Variants in TMPRSS11D observed in about 807,000 individuals in gnomAD.
TMPRSS11D encodes transmembrane protease serine 11D.
Under a neutral mutation model 44.4 loss-of-function variants are expected in TMPRSS11D, and 32 were observed. The ratio of observed to expected loss-of-function variants is 0.72; its 90% CI spans 0.54 to 0.97. The LOEUF is 0.97. Ranked by LOEUF, TMPRSS11D falls within the 50% of genes least tolerant of loss-of-function variation. TMPRSS11D has a pLI of 0.00. For missense variants in TMPRSS11D, 446 were observed against 502.6 expected (o/e 0.89, Z 1.08); for synonymous variants, 179 against 177.9 (o/e 1.01, Z -0.05).
At chr4:67,822,885 C>T (rs954551556) in intron 9 of TMPRSS11D, among the ~76,000 whole-genome samples, 2 of 152,130 alleles carry the variant, frequency 1.3e-5, no homozygotes, top group Admixed American at 6.5e-5. Flanking sequence ...GTGTCTCTGT[C>T]ACTGCTTCAC....
chr4:67,881,059 A>T (rs1454968819), intron 1 of TMPRSS11D, among the ~76,000 whole-genome samples: 1 of 152,212 alleles, frequency 6.6e-6, no homozygotes, highest in African/African-American at 2.4e-5. Context: ...AAGCTAGAGA[A>T]GGAATACTCC....
intron 7 of TMPRSS11D, among the ~76,000 whole-genome samples, chr4:67,830,450 G>A (rs11131727): frequency 0.77 from 117,360 of 151,868 alleles, 46,683 homozygotes; most frequent in Middle Eastern, 0.88. Flanking sequence ...AAATGTTACC[G>A]ATAATACCAA....
chr4:67,821,240 G>A lies in TMPRSS11D; in HGVS notation c.*1097C>T, dbSNP rs1412376545. ...TTAATTTACATTATATTCTTTGGTG[G>A]GGGAGGCATGTGTATGAGAAGGGGA... On this transcript the variant is annotated 3_prime_UTR_variant, in exon 10 of 10. Coordinates refer to ENST00000283916, the MANE Select transcript of TMPRSS11D (RefSeq NM_004262.3). 6.6e-6 allele frequency: 1 copy of A among 151,984 alleles called. No individual in the cohort carries two copies. Among genetic ancestry groups the A allele is most frequent in the African/African-American group, 2.4e-5 (1 of 41,340 alleles). 9.4% of individuals were successfully genotyped at this position (151,984 alleles called of 1,614,324 possible).
At chr4:67,863,683 A>AGCT (rs1718849885) in intron 1 of TMPRSS11D, among the ~76,000 whole-genome samples, 1 of 152,152 alleles carries the variant, frequency 6.6e-6, no homozygotes, top group Admixed American at 6.6e-5. Context: ...GTCAAATATC[A>AGCT]GCTATGTGAT....
chr4:67,853,905 G>A (rs1718567964), intron 3 of TMPRSS11D, among the ~76,000 whole-genome samples, 163 bp downstream of exon 3: 1 of 152,152 alleles, frequency 6.6e-6, no homozygotes, highest in Admixed American at 6.5e-5. Flanking sequence ...ACCAGTATAT[G>A]AGTAAACTAA....
chr4:67,830,642 C>G (rs112121252), intron 7 of TMPRSS11D, among the ~76,000 whole-genome samples: 1 of 152,022 alleles, frequency 6.6e-6, no homozygotes, highest in African/African-American at 2.4e-5. Context: ...TTCTTTTGCT[C>G]GGAGTCTTTA....
At chr4:67,874,561 G>A (rs1026124772) in intron 1 of TMPRSS11D, among the ~76,000 whole-genome samples, 4 of 152,124 alleles carry the variant, frequency 2.6e-5, no homozygotes, top group African/African-American at 9.7e-5. Flanking sequence ...ATTGGTTACA[G>A]TGTTAAAAAT....
chr4:67,879,537 A>G (rs577731158), intron 1 of TMPRSS11D, among the ~76,000 whole-genome samples: 13 of 152,152 alleles, frequency 8.5e-5, no homozygotes, highest in African/African-American at 3.1e-4. Flanking sequence ...GAATCTAGTA[A>G]CAGAAACTGA....
chr4:67,834,997 G>T, intron 6 of TMPRSS11D, 86 bp downstream of exon 6: 2 of 1,238,960 alleles, frequency 1.6e-6, no homozygotes, highest in Non-Finnish European at 2.4e-6. Context: ...GATAGATACT[G>T]CCTTGGCCAA....
chr4:67,827,573 G>A (rs1402911220), intron 7 of TMPRSS11D, 53 bp from the exon 8 acceptor site: 4 of 1,516,790 alleles, frequency 2.6e-6, no homozygotes, highest in African/African-American at 2.8e-5. Context: ...GAACATTTCA[G>A]ATATATAAAT....
intron 2 of TMPRSS11D, 106 bp downstream of exon 2, chr4:67,859,451 T>A: frequency 3.1e-6 from 4 of 1,278,974 alleles, no homozygotes; most frequent in Non-Finnish European, 4.3e-6. Flanking sequence ...TATAATCACA[T>A]TATATTAAGA....
chr4:67,878,491 G>A (rs901565644), intron 1 of TMPRSS11D, among the ~76,000 whole-genome samples: 1 of 152,174 alleles, frequency 6.6e-6, no homozygotes, highest in Non-Finnish European at 1.5e-5. Context: ...TTTGTCTAAT[G>A]TATTTTAGTG....
At chr4:67,862,537 C>T (rs1718814644) in intron 1 of TMPRSS11D, among the ~76,000 whole-genome samples, 2 of 152,062 alleles carry the variant, frequency 1.3e-5, no homozygotes, top group African/African-American at 2.4e-5. Context: ...TCAGCCCAGA[C>T]CTCTCTCTTT....
At chr4:67,858,401 T>C (rs1333511253) in intron 2 of TMPRSS11D, among the ~76,000 whole-genome samples, 1 of 152,196 alleles carries the variant, frequency 6.6e-6, no homozygotes, top group Non-Finnish European at 1.5e-5. Flanking sequence ...TCCATGTCTC[T>C]TTTTTCTACC....
Position 67,859,589 on chromosome 4 carries a change from G to T in TMPRSS11D, c.98C>A (p.Thr33Asn), listed in dbSNP as rs529533156. ...VVAGVVILAV[T>N]IALLVYFLAF... is the part of the protein sequence containing the mutation. Reference sequence around the variant, plus strand: ...TAAAAAGTAAACAAGTAGAGCTATGGTGACTGCCAGGATCACTACCCCTGC... The same window carrying T: ...TAAAAAGTAAACAAGTAGAGCTATGTTGACTGCCAGGATCACTACCCCTGC... Residue 33 changes from threonine to asparagine, a missense_variant, in exon 2 of 10, where the codon ACC becomes AAC. Coordinates refer to ENST00000283916, the MANE Select transcript of TMPRSS11D (RefSeq NM_004262.3). 2 of 1,613,200 alleles carry T rather than the reference G, an allele frequency of 1.2e-6. No individual in the cohort carries two copies. The highest frequency in any genetic ancestry group is 2.7e-5 in the African/African-American group (2 of 74,988).
In TMPRSS11D at chr4:67,833,233, C is replaced by A; in HGVS notation, c.663G>T (p.Trp221Cys). The change falls in exon 7 of 10, where the codon TGG (tryptophan) becomes TGT (cysteine). Residue 221 changes from tryptophan to cysteine, a missense_variant. By Grantham distance (215) the Trp-to-Cys change is radical. Coordinates refer to ENST00000283916, the MANE Select transcript of TMPRSS11D (RefSeq NM_004262.3). ...HCGGSLINNMWILTAAHCFRS... is the reference protein window; with the variant it reads ...HCGGSLINNMCILTAAHCFRS... ...TGAAGCAGTGAGCTGCTGTCAGGATCCACATGTTATTGATCAGGCTGCCTC... is the reference window on the plus strand; with the variant it reads ...TGAAGCAGTGAGCTGCTGTCAGGATACACATGTTATTGATCAGGCTGCCTC... The A allele has an allele frequency of 6.4e-7, 1 of 1,550,652 alleles. No homozygotes were observed. Among genetic ancestry groups the A allele is most frequent in the Non-Finnish European group, 8.7e-7 (1 of 1,150,264 alleles).
At chr4:67,860,813 A>G (rs1004158029) in intron 1 of TMPRSS11D, among the ~76,000 whole-genome samples, 1 of 152,098 alleles carries the variant, frequency 6.6e-6, no homozygotes, top group Non-Finnish European at 1.5e-5. Context: ...TGAGAAGGGT[A>G]TGTTCTGAGG....
chr4:67,856,999 G>A lies in TMPRSS11D; in HGVS notation c.130+2558C>T, dbSNP rs142787691. Among the ~76,000 whole-genome samples the A allele has an allele frequency of 7.3e-3, 1,110 of 152,100 alleles. 13 individuals are homozygous for A. Among genetic ancestry groups the A allele is most frequent in the African/African-American group, 0.026 (1,071 of 41,510 alleles). On this transcript the variant is annotated intron_variant, in intron 2 of 9. Coordinates refer to ENST00000283916, the MANE Select transcript of TMPRSS11D (RefSeq NM_004262.3). ...CAGAAAATAACAGATGCTGGTGAGAGTGCAGAGAGAAGAGAATTCTTATAC... is the reference window on the plus strand; with the variant it reads ...CAGAAAATAACAGATGCTGGTGAGAATGCAGAGAGAAGAGAATTCTTATAC...
At chr4:67,850,597 G>A (rs555537352) in intron 3 of TMPRSS11D, among the ~76,000 whole-genome samples, 15 of 152,246 alleles carry the variant, frequency 9.9e-5, no homozygotes, top group East Asian at 5.8e-4. Context: ...GCAAGGGCTC[G>A]GTGCCAGCTC....
Sources: allele counts gnomAD v4.1 joint callset (sites outside exome capture counted in the v4.1 genomes callset), GRCh38; gene constraint gnomAD v4.1.1; transcripts MANE v1.5; gene names NCBI Gene and HGNC (gene_info 2026-07-23, HGNC 2026-07-21).